Variants in MTFR1 observed in about 807,000 individuals in gnomAD.
The protein encoded by MTFR1 is chondrocyte protein with a poly-proline region.
Under a neutral mutation model 38.8 loss-of-function variants are expected in MTFR1, and 28 were observed. The observed-to-expected ratio is 0.72, with a 90% confidence interval of 0.53 to 0.99. The LOEUF (loss-of-function observed/expected upper bound fraction) is 0.99, where lower values mean the gene tolerates loss of function less well. Ranked by LOEUF, MTFR1 falls within the 50% of genes least tolerant of loss-of-function variation. The probability of loss-of-function intolerance (pLI) is 0.00; values close to 1 mark genes in which losing one functional copy is unlikely to be tolerated. For synonymous variants in MTFR1, 145 were observed against 137.0 expected, an observed-to-expected ratio of 1.06 and a Z score of -0.41; for missense variants, 358 against 395.5, an observed-to-expected ratio of 0.91 and a Z score of 0.81.
rs1554545337 is a variant in MTFR1 at position 65,655,951 on chromosome 8, A to AATATATATATATATGT, written c.-81+11181_-81+11182insGTATATATATATATAT. Among the ~76,000 whole-genome samples, 74 of 55,378 alleles carry AATATATATATATATGT rather than the reference A, an allele frequency of 1.3e-3. 1 individual carries two copies. Among genetic ancestry groups the AATATATATATATATGT allele is most frequent in the African/African-American group, 4.7e-3 (35 of 7,422 alleles). The allele number at this position is 55,378 out of a possible 152,430, so 36.3% of individuals were successfully genotyped here. A position where few individuals can be genotyped will look rare whatever the true frequency, so the allele number is the denominator to read the frequency against. On this transcript the variant is annotated intron_variant, in intron 1 of 7. Coordinates refer to ENST00000262146, the MANE Select transcript of MTFR1 (RefSeq NM_014637.4). Reference sequence around the variant, plus strand: ...AGCAAGACTCTGTCTTAAAAAAAAAAATATATATATATATATACCATATAT... The same window carrying AATATATATATATATGT: ...AGCAAGACTCTGTCTTAAAAAAAAAAATATATATATATATGTATATATATATATATATACCATATAT...
chr8:65,750,594 C>T (rs981901165), intron 3 of MTFR1, among the ~76,000 whole-genome samples: 3 of 151,736 alleles, frequency 2.0e-5, no homozygotes, highest in Non-Finnish European at 4.4e-5. Context: ...ATGAATTAGC[C>T]TCATTTGAGA....
In MTFR1 at chr8:65,739,503, T is replaced by C. The variant is rs143260680; in HGVS notation, c.*48+20022T>C. 1.1e-4 allele frequency: 166 copies of C among 1,551,754 alleles called. 2 individuals carry two copies. In the Admixed American group the frequency reaches 1.7e-3, roughly 16 times the overall value. ...TGTTAATGGGTTAGAATCACTTACC[T>C]AAAAATCTACGAAGTTTCATCATAT... On this transcript the variant is annotated intron_variant, in intron 3 of 3. Transcript: ENST00000521247.
At chr8:65,645,298 T>C (rs68167505) in intron 1 of MTFR1, among the ~76,000 whole-genome samples, 30,659 of 152,246 alleles carry the variant, frequency 0.2, 3,227 homozygotes, top group Middle Eastern at 0.23. Context: ...ACCAGCTTCC[T>C]GTGGTTGCTG....
intron 3 of MTFR1, among the ~76,000 whole-genome samples, chr8:65,740,796 T>C (rs1807391474): frequency 1.3e-5 from 2 of 151,470 alleles, no homozygotes; most frequent in Non-Finnish European, 2.9e-5. Context: ...ACCCCACCAA[T>C]CTCTCTCTCT....
chr8:65,742,278 G>A (rs373836589), intron 3 of MTFR1, among the ~76,000 whole-genome samples: 11 of 152,316 alleles, frequency 7.2e-5, no homozygotes, highest in African/African-American at 2.4e-4. Flanking sequence ...TGGTTGGAAG[G>A]AGTAGGCCAC....
At chr8:65,733,855 T>A (rs909030843) in intron 3 of MTFR1, among the ~76,000 whole-genome samples, 1 of 152,160 alleles carries the variant, frequency 6.6e-6, no homozygotes, top group African/African-American at 2.4e-5. Flanking sequence ...AGTTTGGTCA[T>A]CCTGTTTCCC....
upstream of MTFR1, among the ~76,000 whole-genome samples, chr8:65,644,213 G>A (rs1808887033): frequency 6.6e-6 from 1 of 152,132 alleles, no homozygotes; most frequent in Non-Finnish European, 1.5e-5. Flanking sequence ...AACAGACGCT[G>A]GAACCGAACA....
downstream of MTFR1, among the ~76,000 whole-genome samples, chr8:65,711,811 T>C (rs1360478793): frequency 6.6e-6 from 1 of 152,254 alleles, no homozygotes; most frequent in Non-Finnish European, 1.5e-5. Context: ...GAAGCCTTAA[T>C]GTTCCTAAAG....
At chr8:65,647,210 CGTG>C (rs1019830838) in intron 1 of MTFR1, among the ~76,000 whole-genome samples, 2 of 152,102 alleles carry the variant, frequency 1.3e-5, no homozygotes, top group African/African-American at 4.8e-5. Flanking sequence ...AGGAAATAGA[CGTG>C]GGGAACTGGC....
At chr8:65,668,670 C>T (rs1804468988) in intron 1 of MTFR1, among the ~76,000 whole-genome samples, 1 of 151,442 alleles carries the variant, frequency 6.6e-6, no homozygotes, top group South Asian at 2.1e-4. Context: ...CCTGCTACCA[C>T]GCCCAGCTAA....
intron 3 of MTFR1, chr8:65,726,862 T>G: frequency 6.9e-7 from 1 of 1,453,448 alleles, no homozygotes; most frequent in Non-Finnish European, 9.6e-7. Context: ...AAATTTGTCT[T>G]AATCCAACCT....
At chr8:65,675,911 AG>A (rs1257495128) in intron 2 of MTFR1, among the ~76,000 whole-genome samples, 4 of 152,216 alleles carry the variant, frequency 2.6e-5, no homozygotes, top group African/African-American at 9.6e-5. Context: ...TTTAAATTGC[AG>A]GAAGTGAGAA....
intron 3 of MTFR1, among the ~76,000 whole-genome samples, chr8:65,759,456 C>T (rs1331679673): frequency 6.6e-6 from 1 of 152,128 alleles, no homozygotes; most frequent in African/African-American, 2.4e-5. Flanking sequence ...GGCATATGGG[C>T]CATATCCCCA....
intron 3 of MTFR1, among the ~76,000 whole-genome samples, chr8:65,686,812 A>G (rs1805095497): frequency 1.3e-5 from 2 of 151,662 alleles, no homozygotes; most frequent in South Asian, 4.2e-4. Context: ...CATCCCAGCT[A>G]CTTAGGAGGC....
At position 65,763,037 on chromosome 8, in the gene MTFR1, G is replaced by A. The variant is rs1309824109; in HGVS notation, c.*49-7910G>A. On this transcript the variant is annotated intron_variant, in intron 3 of 3. Transcript: ENST00000521247. ...TGTGTGTGTGTGTGTGTGTGTGTGTGTATAAAATGAATATACAGCTTAAAC... is the reference window on the plus strand; with the variant it reads ...TGTGTGTGTGTGTGTGTGTGTGTGTATATAAAATGAATATACAGCTTAAAC... Among the ~76,000 whole-genome samples, 6 of 134,806 alleles carry A rather than the reference G, an allele frequency of 4.5e-5. No homozygotes were observed. In the East Asian group the frequency reaches 7.2e-4, roughly 16 times the overall value. The allele number at this position is 134,806 out of a possible 152,430, so 88.4% of individuals were successfully genotyped here. A position where few individuals can be genotyped will look rare whatever the true frequency, so the allele number is the denominator to read the frequency against.
chr8:65,705,902 T>C (rs1490599535), intron 5 of MTFR1, among the ~76,000 whole-genome samples: 7 of 152,236 alleles, frequency 4.6e-5, no homozygotes, highest in Non-Finnish European at 8.8e-5. Context: ...GAGGAAACTA[T>C]AGCCTTGAAA....
chr8:65,661,658 C>T (rs1809417565), intron 1 of MTFR1, among the ~76,000 whole-genome samples: 1 of 151,912 alleles, frequency 6.6e-6, no homozygotes, highest in African/African-American at 2.4e-5. Context: ...CATAAATAAA[C>T]TCTGTTTTTA....
intron 3 of MTFR1, chr8:65,719,656 G>A: frequency 1.7e-6 from 1 of 591,676 alleles, no homozygotes; most frequent in Non-Finnish European, 3.0e-6. Flanking sequence ...AGTCTGTAAT[G>A]TACATATCCA....
chr8:65,645,692 TCCCC>T (rs1554544273), intron 1 of MTFR1, among the ~76,000 whole-genome samples: 3 of 83,172 alleles, frequency 3.6e-5, no homozygotes, highest in African/African-American at 5.1e-5. Context: ...CGCCCGGCTT[TCCCC>T]CCCCCCCCCC....
Sources: gnomAD v4.1 joint callset for allele counts (sites outside exome capture counted in the v4.1 genomes callset) on GRCh38, gnomAD v4.1.1 for gene constraint, MANE v1.5 for transcripts, NCBI Gene and HGNC (gene_info 2026-07-23, HGNC 2026-07-21) for gene names.